ITGAM: variants seen among roughly 807,000 people sequenced by gnomAD.
The protein encoded by ITGAM is integrin subunit alpha M.
Under a neutral mutation model 137.5 loss-of-function variants are expected in ITGAM, and 79 were observed. That is an observed-to-expected ratio of 0.57 (90% CI 0.48 to 0.69). The LOEUF (loss-of-function observed/expected upper bound fraction) is 0.69. Ranked by LOEUF, ITGAM falls within the 30% of genes least tolerant of loss-of-function variation. The pLI is 0.00. For synonymous variants in ITGAM, 583 were observed against 592.3 expected (o/e 0.98, Z 0.23); for missense variants, 1,343 against 1,483.5 (o/e 0.91, Z 1.56).
intron 14 of ITGAM, among the ~76,000 whole-genome samples, chr16:31,315,407 G>C (rs1356389793): frequency 2.0e-5 from 3 of 151,910 alleles, no homozygotes; most frequent in Non-Finnish European, 4.4e-5. Flanking sequence ...ATAGTTTATA[G>C]TGTTAGATCT....
In ITGAM at chr16:31,331,930, C is replaced by T; in HGVS notation, c.*223C>T. ...GTGCGTGCATGTGCACTTGCACGCCCATGTGTGAGTGTGTGCAAGTATGTG... is the reference window on the plus strand; with the variant it reads ...GTGCGTGCATGTGCACTTGCACGCCTATGTGTGAGTGTGTGCAAGTATGTG... On this transcript the variant is annotated 3_prime_UTR_variant, in exon 30 of 30. Transcript: ENST00000544665. 1.8e-6 allele frequency: 1 copy of T among 563,194 alleles called. No homozygotes were observed. The allele number at this position is 563,194 out of a possible 1,614,324, so 34.9% of individuals were successfully genotyped here.
chr16:31,295,111 T>C, intron 12 of ITGAM, among the ~76,000 whole-genome samples: 1 of 152,198 alleles, frequency 6.6e-6, no homozygotes, highest in South Asian at 2.1e-4. Context: ...CACCTTGCTG[T>C]TATGCTTACT....
chr16:31,278,283 T>A (rs894388891), intron 12 of ITGAM, among the ~76,000 whole-genome samples, 174 bp downstream of exon 12: 2 of 152,182 alleles, frequency 1.3e-5, no homozygotes, highest in Non-Finnish European at 2.9e-5. Flanking sequence ...TGTCCTCAGC[T>A]TTTTTAACAA....
At chr16:31,297,690 G>C in intron 13 of ITGAM, 36 bp downstream of exon 13, 1 of 1,605,132 alleles carries the variant, frequency 6.2e-7, no homozygotes, top group Non-Finnish European at 8.5e-7. Context: ...GGTGGGGCCC[G>C]GTGTGGGTGG....
In ITGAM at chr16:31,329,901, C is replaced by CCGAGGTGAG. The variant is rs2080557463; in HGVS notation, c.2975_2976+7dup. 2 of 1,558,800 alleles carry CCGAGGTGAG rather than the reference C, an allele frequency of 1.3e-6. No individual in the cohort carries two copies. Among genetic ancestry groups the CCGAGGTGAG allele is most frequent in the African/African-American group, 2.7e-5 (2 of 73,596 alleles). Reference sequence around the variant, plus strand: ...TGGGACCGCCCCCAGGTCACCTTCTCCGAGGTGAGCGGAGCTCGGCCTGAC... The same window carrying CCGAGGTGAG: ...TGGGACCGCCCCCAGGTCACCTTCTCCGAGGTGAGCGAGGTGAGCGGAGCTCGGCCTGAC... On this transcript the variant is annotated inframe_insertion, in exon 25 of 30. Coordinates refer to ENST00000544665, the MANE Select transcript of ITGAM (RefSeq NM_000632.4).
rs61202942 is a variant in ITGAM at position 31,298,204 on chromosome 16, CAA to C, written c.1707+273_1707+274del. 3.5e-3 allele frequency among the ~76,000 whole-genome samples: 274 copies of C among 77,802 alleles called. 1 individual carries two copies. The highest frequency in any genetic ancestry group is 0.012 in the African/African-American group (242 of 19,702). 51.0% of individuals were successfully genotyped at this position (77,802 alleles called of 152,430 possible). A position where few individuals can be genotyped will look rare whatever the true frequency, so the allele number is the denominator to read the frequency against. ...GCAACATGGTGAGAACCCATCTCTC[CAA>C]AAAAAAAAAAAAAAAAAAAAAATTA... On this transcript the variant is annotated intron_variant, in intron 14 of 29. Coordinates refer to ENST00000544665, the MANE Select transcript of ITGAM (RefSeq NM_000632.4).
At chr16:31,304,050 A>G (rs1270951849) in intron 14 of ITGAM, among the ~76,000 whole-genome samples, 1 of 152,184 alleles carries the variant, frequency 6.6e-6, no homozygotes, top group African/African-American at 2.4e-5. Context: ...ACTGTTTTCC[A>G]TAGAGGTTGT....
At chr16:31,318,344 C>CTTTT (rs34125826) in intron 14 of ITGAM, among the ~76,000 whole-genome samples, 16 of 131,484 alleles carry the variant, frequency 1.2e-4, no homozygotes, top group Non-Finnish European at 2.3e-4. Flanking sequence ...CTTGTCAGTT[C>CTTTT]TTTTTTTTTT....
At chr16:31,295,037 G>A (rs537745830) in intron 12 of ITGAM, among the ~76,000 whole-genome samples, 1 of 152,100 alleles carries the variant, frequency 6.6e-6, no homozygotes, top group Non-Finnish European at 1.5e-5. Flanking sequence ...GACCATAAAT[G>A]CATAGTTTTA....
intron 12 of ITGAM, among the ~76,000 whole-genome samples, chr16:31,287,531 C>T (rs2080041314): frequency 6.6e-6 from 1 of 152,152 alleles, no homozygotes; most frequent in Non-Finnish European, 1.5e-5. Context: ...TTTGTGTCGT[C>T]TCTGATTTCT....
At chr16:31,302,932 CTT>C (rs1387260918) in intron 14 of ITGAM, among the ~76,000 whole-genome samples, 7 of 52,822 alleles carry the variant, frequency 1.3e-4, no homozygotes, top group South Asian at 5.6e-4. Flanking sequence ...TTCTTTCTTT[CTT>C]TCTTTCTTTC....
intron 11 of ITGAM, 21 bp from the exon 12 acceptor site, chr16:31,277,946 C>T (rs1355652752): frequency 2.6e-5 from 41 of 1,572,514 alleles, no homozygotes; most frequent in Non-Finnish European, 3.5e-5. Context: ...TGCACTTCAC[C>T]TCTCAGACCC....
chr16:31,277,965 A>T lies in ITGAM; in HGVS notation c.1214-2A>T. ...CTTCACCTCTCAGACCCCCACCTTC[A>T]GGTTATGCTGCCGCCATCATCTTAC... On this transcript the variant is annotated splice_acceptor_variant, in intron 11 of 29. Transcript: ENST00000544665. LOFTEE classifies it high-confidence loss of function. The T allele has an allele frequency of 6.3e-7, 1 of 1,589,122 alleles. No homozygotes were observed. The highest frequency in any genetic ancestry group is 1.3e-5 in the African/African-American group (1 of 74,484).
rs761171328 is a variant in ITGAM, at chr16:31,271,918, C to T, written c.630C>T (p.Asn210=). Residue 210 remains asparagine, a synonymous_variant, in exon 7 of 30, where the codon AAC becomes AAT. Coordinates refer to ENST00000544665, the MANE Select transcript of ITGAM (RefSeq NM_000632.4). The part of the protein sequence containing the change: ...FTFKEFQNNP[N]PRSLVKPITQ... ...TCAAAGAGTTCCAGAACAACCCTAA[C>T]CCAAGATCACTGGTGAAGCCAATAA... The T allele has an allele frequency of 6.2e-7, 1 of 1,613,902 alleles. No individual in the cohort carries two copies. The highest frequency in any genetic ancestry group is 1.3e-5 in the African/African-American group (1 of 74,926).
chr16:31,328,462 C>T (rs1171667536), intron 23 of ITGAM, among the ~76,000 whole-genome samples: 1 of 146,474 alleles, frequency 6.8e-6, no homozygotes, highest in Non-Finnish European at 1.5e-5. Context: ...GAGGATGTAT[C>T]TGCATGTGTG....
In ITGAM at chr16:31,329,236, T is replaced by A. The variant is rs1287998493; in HGVS notation, c.2801T>A (p.Val934Asp). The A allele has an allele frequency of 3.1e-6, 5 of 1,611,376 alleles. No homozygotes were observed. The African/African-American group carries it at 5.3e-5, about 17-fold the overall frequency. The change falls in exon 24 of 30, where the codon GTC becomes GAC. Residue 934 changes from valine to aspartate, a missense_variant. By Grantham distance (152) the Val-to-Asp change is radical. Transcript: ENST00000544665. ...AVYMVVTSHG[V>D]STKYLNFTAS... ...CTTTTTTCTCCCTTCAGCCATGGGGTCTCCACTAAATATCTCAACTTCACG... is the reference window on the plus strand; with the variant it reads ...CTTTTTTCTCCCTTCAGCCATGGGGACTCCACTAAATATCTCAACTTCACG...
chr16:31,280,255 T>C lies in ITGAM; in HGVS notation c.1356+2146T>C, dbSNP rs1474537777. On this transcript the variant is annotated intron_variant, in intron 12 of 29. Coordinates refer to ENST00000544665, the MANE Select transcript of ITGAM (RefSeq NM_000632.4). ...GGTTCCACATGAACTTTAACGTAGCTTTTTCCAATTCTGTGAAGAAAGTCA... is the reference window on the plus strand; with the variant it reads ...GGTTCCACATGAACTTTAACGTAGCCTTTTCCAATTCTGTGAAGAAAGTCA... Among the ~76,000 whole-genome samples, 3 of 152,204 alleles carry C rather than the reference T, an allele frequency of 2.0e-5. No individual in the cohort carries two copies. In the East Asian group the frequency reaches 5.8e-4, roughly 29 times the overall value.
At chr16:31,311,418 G>T (rs1323286203) in intron 14 of ITGAM, among the ~76,000 whole-genome samples, 2 of 152,076 alleles carry the variant, frequency 1.3e-5, no homozygotes, top group African/African-American at 4.8e-5. Context: ...AATCTACAAT[G>T]AACTCAAACA....
In ITGAM at chr16:31,270,738, TATATATG is replaced by T. The variant is rs1448398072; in HGVS notation, c.428-215_428-209del. ...ATATATATATATATATATATATATATATATATGTTTTTAACGTGTGTATACATATATA... is the reference window on the plus strand; with the variant it reads ...ATATATATATATATATATATATATATTTTTTAACGTGTGTATACATATATA... On this transcript the variant is annotated intron_variant, in intron 5 of 29. Transcript: ENST00000544665. Among the ~76,000 whole-genome samples the T allele has an allele frequency of 4.1e-4, 47 of 115,126 alleles. 2 individuals carry two copies. The highest frequency in any genetic ancestry group is 6.6e-4 in the Non-Finnish European group (37 of 56,426). 75.5% of individuals were successfully genotyped at this position (115,126 alleles called of 152,430 possible).
Sources: allele counts gnomAD v4.1 joint callset (sites outside exome capture counted in the v4.1 genomes callset), GRCh38; gene constraint gnomAD v4.1.1; transcripts MANE v1.5; gene names NCBI Gene and HGNC (gene_info 2026-07-23, HGNC 2026-07-21).